Variants in ANAPC4 observed in about 807,000 individuals in gnomAD.
ANAPC4 encodes the protein anaphase-promoting complex subunit 4.
ANAPC4 carries 63 observed loss-of-function variants against 119.8 expected under a neutral mutation model. The ratio of observed to expected loss-of-function variants is 0.53; its 90% confidence interval spans 0.43 to 0.65. ANAPC4 has a LOEUF of 0.65. Ranked by LOEUF, ANAPC4 falls within the 30% of genes least tolerant of loss-of-function variation. The probability of loss-of-function intolerance (pLI) is 0.00; values close to 1 mark genes in which losing one functional copy is unlikely to be tolerated. For synonymous variants in ANAPC4, 283 were observed against 318.6 expected (o/e 0.89, Z 1.19); for missense variants, 716 against 945.1 (o/e 0.76, Z 3.18).
intron 16 of ANAPC4, among the ~76,000 whole-genome samples, chr4:25,400,421 C>T (rs1228814977): frequency 6.6e-6 from 1 of 152,106 alleles, no homozygotes; most frequent in East Asian, 1.9e-4. Context: ...AGGGGACGTT[C>T]CCTTCAAGGT....
intron 22 of ANAPC4, 47 bp from the exon 23 acceptor site, chr4:25,414,277 G>T: frequency 1.5e-6 from 2 of 1,292,218 alleles, no homozygotes; most frequent in South Asian, 2.8e-5. Context: ...GAGTATCTGT[G>T]TGCATATTAA....
intron 18 of ANAPC4, 111 bp from the exon 19 acceptor site, chr4:25,406,718 C>G: frequency 1.2e-6 from 1 of 802,624 alleles, no homozygotes; most frequent in South Asian, 1.7e-5. Flanking sequence ...GCCAGTTTTC[C>G]CATGGCTTTT....
rs571581086 is a variant in ANAPC4, at chr4:25,386,747, A to G, written c.369-1753A>G. Among the ~76,000 whole-genome samples, 98 of 152,344 alleles carry G rather than the reference A, an allele frequency of 6.4e-4. No individual in the cohort carries two copies. In the Middle Eastern group the frequency reaches 0.014, roughly 21 times the overall value. On this transcript the variant is annotated intron_variant, in intron 4 of 28. Transcript: ENST00000315368. ...ACTTGCTTGACACAGGGTTGCCACAAACTTGATTTGTGAAAAATGCAGTAT... is the reference window on the plus strand; with the variant it reads ...ACTTGCTTGACACAGGGTTGCCACAGACTTGATTTGTGAAAAATGCAGTAT...
intron 2 of ANAPC4, among the ~76,000 whole-genome samples, chr4:25,379,875 G>A (rs1402348393): frequency 2.6e-5 from 4 of 152,248 alleles, no homozygotes; most frequent in South Asian, 2.1e-4. Flanking sequence ...AAGCTGCAAC[G>A]GGGCAGTCAT....
intron 11 of ANAPC4, 129 bp downstream of exon 11, chr4:25,394,020 C>T (rs929121988): frequency 3.8e-6 from 3 of 799,928 alleles, no homozygotes; most frequent in Non-Finnish European, 5.7e-6. Flanking sequence ...CAAATGGCTT[C>T]GTCTGACTTC....
At chr4:25,384,110 T>C (rs1161657125) in intron 4 of ANAPC4, among the ~76,000 whole-genome samples, 2 of 152,264 alleles carry the variant, frequency 1.3e-5, no homozygotes, top group Non-Finnish European at 2.9e-5. Context: ...TCCTTTGTCA[T>C]GTCAACATTG....
chr4:25,379,921 G>C (rs567471218), intron 2 of ANAPC4, among the ~76,000 whole-genome samples: 2 of 152,292 alleles, frequency 1.3e-5, no homozygotes, highest in South Asian at 4.1e-4. Flanking sequence ...TTCCAAGGTG[G>C]GAATTTACTG....
At chr4:25,388,684 G>A in intron 5 of ANAPC4, 33 bp from the exon 6 acceptor site, 1 of 1,587,082 alleles carries the variant, frequency 6.3e-7, no homozygotes, top group Non-Finnish European at 8.6e-7. Context: ...TTTACTAAGA[G>A]TATTTTTTAC....
At position 25,390,947 on chromosome 4, in the gene ANAPC4, G is replaced by A. The variant is rs749809902; in HGVS notation, c.637G>A (p.Asp213Asn). The change falls in exon 9 of 29, where the codon GAT becomes AAT. Residue 213 changes from aspartate to asparagine, a missense_variant. By Grantham distance (23) the Asp-to-Asn change is conservative. Transcript: ENST00000315368. The part of the protein sequence containing the change: ...GTCLALCLSS[D>N]LKSLSVVTEV... ...TTGTCTTGCATTATGTTTATCAAGT[G>A]ATTTGAAATCATTATCAGTGGTCAC... 6.2e-7 allele frequency: 1 copy of A among 1,613,740 alleles called. No individual in the cohort carries two copies. Among genetic ancestry groups the A allele is most frequent in the African/African-American group, 1.3e-5 (1 of 74,928 alleles).
At position 25,407,185 on chromosome 4, in the gene ANAPC4, AT is replaced by A; in HGVS notation, c.1375-5del. The A allele has an allele frequency of 1.9e-6, 3 of 1,588,926 alleles. No homozygotes were observed. The highest frequency in any genetic ancestry group is 1.9e-5 in the Admixed American group (1 of 53,574). On this transcript the variant is annotated splice_polypyrimidine_tract_variant and intron_variant, in intron 19 of 28. Coordinates refer to ENST00000315368, the MANE Select transcript of ANAPC4 (RefSeq NM_013367.3). ...TTGACTTAAGAATTAAACTATGTTT[AT>A]TTTTTTCCAGGCTCCAGACCTTTAT...
chr4:25,377,692 C>G (rs1721487789), intron 2 of ANAPC4, 136 bp downstream of exon 2: 1 of 1,292,322 alleles, frequency 7.7e-7, no homozygotes, highest in Non-Finnish European at 1.0e-6. Context: ...GGCTGGCCAC[C>G]TGCTACCCCT....
intron 3 of ANAPC4, chr4:25,380,728 T>A: frequency 3.1e-6 from 1 of 322,810 alleles, no homozygotes; most frequent in Non-Finnish European, 5.6e-6. Flanking sequence ...CGAAGTGAAA[T>A]CTGATGGAAT....
intron 10 of ANAPC4, among the ~76,000 whole-genome samples, 180 bp from the exon 11 acceptor site, chr4:25,393,625 G>C (rs368440428): frequency 6.6e-6 from 1 of 152,158 alleles, no homozygotes; most frequent in African/African-American, 2.4e-5. Flanking sequence ...TGGCGTCACT[G>C]CACTCCAGCC....
At chr4:25,386,895 A>G (rs554517240) in intron 4 of ANAPC4, among the ~76,000 whole-genome samples, 1 of 152,338 alleles carries the variant, frequency 6.6e-6, no homozygotes, top group East Asian at 1.9e-4. Flanking sequence ...CTCCAAAAAT[A>G]GTTACTGAGG....
chr4:25,403,831 C>T (rs1723111709), intron 17 of ANAPC4, among the ~76,000 whole-genome samples: 3 of 152,236 alleles, frequency 2.0e-5, no homozygotes, highest in South Asian at 4.1e-4. Context: ...AGACCACTTA[C>T]AGCCTGTCTT....
At chr4:25,417,506 G>T in intron 27 of ANAPC4, 110 bp from the exon 28 acceptor site, 1 of 1,065,278 alleles carries the variant, frequency 9.4e-7, no homozygotes. Flanking sequence ...ATTGGAAATA[G>T]AAGTATGAGT....
At chr4:25,383,415 GTCATAGGGTAT>G in intron 4 of ANAPC4, 22 bp downstream of exon 4, 1 of 1,559,620 alleles carries the variant, frequency 6.4e-7, no homozygotes. Context: ...AACTTATGTA[GTCATAGGGTAT>G]TCATGAGATT....
At chr4:25,390,767 C>G (rs1722305470) in intron 8 of ANAPC4, 144 bp from the exon 9 acceptor site, 1 of 613,374 alleles carries the variant, frequency 1.6e-6, no homozygotes, top group Non-Finnish European at 2.8e-6. Context: ...AGGCAGACAC[C>G]TACCTTCATC....
At chr4:25,378,004 G>T (rs1441077461) in intron 2 of ANAPC4, among the ~76,000 whole-genome samples, 1 of 152,244 alleles carries the variant, frequency 6.6e-6, no homozygotes, top group African/African-American at 2.4e-5. Flanking sequence ...CTGCAAATGT[G>T]CCTGCATGTA....
Sources: gnomAD v4.1 joint callset for allele counts (sites outside exome capture counted in the v4.1 genomes callset) on GRCh38, gnomAD v4.1.1 for gene constraint, MANE v1.5 for transcripts, NCBI Gene and HGNC (gene_info 2026-07-23, HGNC 2026-07-21) for gene names.